Variants in ESYT3 observed in about 807,000 individuals in gnomAD.
ESYT3 encodes extended synaptotagmin-3.
Under a neutral mutation model 111.5 loss-of-function variants are expected in ESYT3, and 101 were observed. The ratio of observed to expected loss-of-function variants is 0.91; its 90% CI spans 0.77 to 1.07. The LOEUF is 1.07. ESYT3 is among the 50% of genes least tolerant of loss of function. The probability of loss-of-function intolerance (pLI) is 0.00; values close to 1 mark genes in which losing one functional copy is unlikely to be tolerated. For synonymous variants in ESYT3, 416 were observed against 446.8 expected (o/e 0.93, Z 0.87); for missense variants, 1,097 against 1,109.4 (o/e 0.99, Z 0.16).
At position 138,435,629 on chromosome 3, in the gene ESYT3, G is replaced by T. The variant is rs1478775726; in HGVS notation, c.327+504G>T. On this transcript the variant is annotated intron_variant, in intron 1 of 22. Coordinates refer to ENST00000389567, the MANE Select transcript of ESYT3 (RefSeq NM_031913.5). This position sits in a 1 kb window ranked among gnomAD's most constrained non-coding sequence, Gnocchi z 4.8. Reference sequence around the variant, plus strand: ...GGAGGGCTCCGCGGGGCTGGAGGTGGAGTGGCGGGTACGGCTGGGAGACCG... The same window carrying T: ...GGAGGGCTCCGCGGGGCTGGAGGTGTAGTGGCGGGTACGGCTGGGAGACCG... Among the ~76,000 whole-genome samples the T allele has an allele frequency of 6.6e-6, 1 of 152,124 alleles. No homozygotes were observed. The highest frequency in any genetic ancestry group is 1.5e-5 in the Non-Finnish European group (1 of 67,972).
At chr3:138,463,130 T>C (rs2032740297) in intron 8 of ESYT3, among the ~76,000 whole-genome samples, 1 of 152,142 alleles carries the variant, frequency 6.6e-6, no homozygotes, top group South Asian at 2.1e-4. Flanking sequence ...AGTCTTGCTC[T>C]GTGGCCCAGG....
chr3:138,449,235 C>T (rs1428413571), intron 1 of ESYT3, among the ~76,000 whole-genome samples: 3 of 151,844 alleles, frequency 2.0e-5, no homozygotes, highest in South Asian at 2.1e-4. Flanking sequence ...CAGGTGTGTG[C>T]CACCATGCCC....
chr3:138,469,171 C>T, intron 14 of ESYT3: 1 of 594,950 alleles, frequency 1.7e-6, no homozygotes, highest in Non-Finnish European at 3.0e-6. Flanking sequence ...TTCATAGCCC[C>T]AGGGAACGAG....
chr3:138,438,698 T>A (rs1349996388), intron 1 of ESYT3, among the ~76,000 whole-genome samples: 1 of 152,214 alleles, frequency 6.6e-6, no homozygotes, highest in African/African-American at 2.4e-5. Context: ...GAGGTTGTAT[T>A]GGATGGTCTT....
Position 138,464,343 on chromosome 3 carries a change from A to G in ESYT3, c.916-2A>G. On this transcript the variant is annotated splice_acceptor_variant, in intron 8 of 22. Transcript: ENST00000389567. LOFTEE classifies it high-confidence loss of function. ...TGAGCCCTGGGCTTGGACATTTTCC[A>G]GGGGGTGATCAGAGTGCACTTGCTG... The G allele has an allele frequency of 6.2e-7, 1 of 1,613,840 alleles. No homozygotes were observed. Among genetic ancestry groups the G allele is most frequent in the Non-Finnish European group, 8.5e-7 (1 of 1,179,840 alleles).
chr3:138,454,117 G>A (rs1323817592), intron 2 of ESYT3, among the ~76,000 whole-genome samples: 1 of 152,230 alleles, frequency 6.6e-6, no homozygotes, highest in Non-Finnish European at 1.5e-5. Flanking sequence ...GCGTGGTGGT[G>A]CACGCATGTA....
chr3:138,471,423 T>C (rs1013869036), intron 17 of ESYT3, among the ~76,000 whole-genome samples: 1 of 152,254 alleles, frequency 6.6e-6, no homozygotes, highest in African/African-American at 2.4e-5. Flanking sequence ...TTCATAGTTT[T>C]TTCAATGGTG....
chr3:138,437,688 A>G (rs2030823065), intron 1 of ESYT3, among the ~76,000 whole-genome samples: 1 of 152,128 alleles, frequency 6.6e-6, no homozygotes, highest in Admixed American at 6.5e-5. Context: ...GGAAGGCTGG[A>G]GGAGACAGGC....
At chr3:138,462,040 G>C in intron 7 of ESYT3, 46 bp from the exon 8 acceptor site, 1 of 1,611,838 alleles carries the variant, frequency 6.2e-7, no homozygotes, top group Non-Finnish European at 8.5e-7. Context: ...GGTGGCATGG[G>C]GGAGGCAGTG....
At position 138,476,807 on chromosome 3, in the gene ESYT3, C is replaced by T. The variant is rs1182889796; in HGVS notation, c.2625-11C>T. ...TTACTAACGTTAAGTCCAAACGTAA[C>T]TGTCTTACAGGTATGAGCTGACTCC... On this transcript the variant is annotated splice_polypyrimidine_tract_variant and intron_variant, in intron 22 of 22. Transcript: ENST00000389567. 1 of 1,613,774 alleles carries T rather than the reference C, an allele frequency of 6.2e-7. No homozygotes were observed. Among genetic ancestry groups the T allele is most frequent in the Middle Eastern group, 1.7e-4 (1 of 6,056 alleles).
chr3:138,435,012 T>C lies in ESYT3; in HGVS notation c.214T>C (p.Trp72Arg). ...GCTCGGCGCCCTGCTGTGGATGTGG[T>C]GGCGCAGGAACCGCCGCGGGAAGCT... ...LLLGALLWMW[W>R]RRNRRGKLGR... The change falls in exon 1 of 23, where the codon TGG becomes CGG. Residue 72 changes from tryptophan (W) to arginine (R), a missense_variant. Trp to Arg is a moderately radical substitution (Grantham distance 101). Coordinates refer to ENST00000389567, the MANE Select transcript of ESYT3 (RefSeq NM_031913.5). The surrounding 1 kb of genome is among the most constrained non-coding windows in gnomAD (Gnocchi z 4.8). The C allele has an allele frequency of 6.4e-7, 1 of 1,572,830 alleles. No homozygotes were observed. Among genetic ancestry groups the C allele is most frequent in the Non-Finnish European group, 8.6e-7 (1 of 1,159,096 alleles).
intron 1 of ESYT3, among the ~76,000 whole-genome samples, chr3:138,436,872 C>A (rs577060596): frequency 1.4e-4 from 21 of 152,330 alleles, no homozygotes; most frequent in African/African-American, 5.0e-4. Flanking sequence ...ATCAGGGAAG[C>A]CTCTAGACAC....
intron 20 of ESYT3, among the ~76,000 whole-genome samples, chr3:138,475,976 T>A (rs1352629275): frequency 6.6e-6 from 1 of 152,178 alleles, no homozygotes; most frequent in African/African-American, 2.4e-5. Flanking sequence ...AGATGCAAAC[T>A]AAGCCACAGC....
rs145657841 is a variant in ESYT3 at position 138,455,292 on chromosome 3, G to A, written c.468G>A (p.Arg156=). 12 of 1,613,970 alleles carry A rather than the reference G, an allele frequency of 7.4e-6. No homozygotes were observed. Among genetic ancestry groups the A allele is most frequent in the Non-Finnish European group, 9.3e-6 (11 of 1,180,022 alleles). ...PKIREKSIHL[R]TFTFTKLYFG... ...TCCGAGAGAAGAGCATCCACCTGAG[G>A]ACCTTTACCTTTACCAAGCTCTACT... is the stretch of plus-strand genomic sequence containing the variant. Residue 156 remains arginine, a synonymous_variant, in exon 3 of 23, where the codon AGG becomes AGA. Transcript: ENST00000389567.
chr3:138,470,765 TA>T, intron 16 of ESYT3, 111 bp from the exon 17 acceptor site: 1 of 1,551,074 alleles, frequency 6.4e-7, no homozygotes, highest in Non-Finnish European at 8.7e-7. Flanking sequence ...CAGATGCCCA[TA>T]GAAGCACAGT....
intron 8 of ESYT3, among the ~76,000 whole-genome samples, chr3:138,462,700 C>T (rs1254017820): frequency 6.6e-6 from 1 of 152,150 alleles, no homozygotes; most frequent in Non-Finnish European, 1.5e-5. Flanking sequence ...GCTCTGTTGC[C>T]TAGCCAGGCT....
intron 8 of ESYT3, among the ~76,000 whole-genome samples, chr3:138,462,825 G>A (rs981284260): frequency 6.6e-6 from 1 of 152,014 alleles, no homozygotes; most frequent in Non-Finnish European, 1.5e-5. Flanking sequence ...ACCACGCCTG[G>A]CTAATTTTTG....
At chr3:138,448,549 A>G (rs1186680417) in intron 1 of ESYT3, among the ~76,000 whole-genome samples, 2 of 152,100 alleles carry the variant, frequency 1.3e-5, no homozygotes, top group Non-Finnish European at 2.9e-5. Flanking sequence ...TCTTTGTCTC[A>G]CCTTATGTAA....
chr3:138,453,781 G>A (rs2032094648), intron 2 of ESYT3, among the ~76,000 whole-genome samples: 2 of 152,198 alleles, frequency 1.3e-5, no homozygotes, highest in Non-Finnish European at 2.9e-5. Context: ...CAGAAACCCA[G>A]TCACTCCTCT....
Sources: gnomAD v4.1 joint callset for allele counts (sites outside exome capture counted in the v4.1 genomes callset) on GRCh38, gnomAD v4.1.1 for gene constraint, Gnocchi (gnomAD v3.1) non-coding constraint, MANE v1.5 for transcripts, NCBI Gene and HGNC (gene_info 2026-07-23, HGNC 2026-07-21) for gene names.